Variants in SMAD2 observed in about 807,000 individuals in gnomAD.
SMAD2 encodes the protein SMAD family member 2.
In SMAD2, 8 loss-of-function variants were observed where a neutral mutation model predicts 64.4. That is an observed-to-expected ratio of 0.12 (90% confidence interval 0.07 to 0.22). The LOEUF is 0.22. Ranked by LOEUF, SMAD2 falls within the 10% of genes least tolerant of loss-of-function variation. The pLI is 1.00. For synonymous variants in SMAD2, 203 were observed against 195.8 expected (o/e 1.04, Z -0.31); for missense variants, 289 against 561.2 (o/e 0.51, Z 4.90).
At chr18:47,866,721 C>A (rs1050817120) in intron 5 of SMAD2, 8 of 151,980 alleles carry the variant, frequency 5.3e-5, no homozygotes, top group Admixed American at 5.2e-4. Flanking sequence ...GTTAAAATTT[C>A]TTTTAAGTGG....
intron 1 of SMAD2, among the ~76,000 whole-genome samples, chr18:47,913,644 T>C (rs1209067656): frequency 6.6e-6 from 1 of 152,206 alleles, no homozygotes; most frequent in Non-Finnish European, 1.5e-5. Flanking sequence ...TTTTGAAGTG[T>C]AAATAGACTG....
chr18:47,923,209 C>CT (rs1432442799), intron 1 of SMAD2, among the ~76,000 whole-genome samples: 1 of 149,100 alleles, frequency 6.7e-6, no homozygotes, highest in African/African-American at 2.5e-5. Context: ...TATGACAACA[C>CT]TACACAGGCC....
Position 47,840,365 on chromosome 18 carries a change from T to C in SMAD2, c.*1462A>G, listed in dbSNP as rs1405905917. Reference sequence around the variant, plus strand: ...AACTGCAATGAGTCAACATCAGACATAATAATTATTTGCTGCAGAATGAAC... The same window carrying C: ...AACTGCAATGAGTCAACATCAGACACAATAATTATTTGCTGCAGAATGAAC... On this transcript the variant is annotated 3_prime_UTR_variant, in exon 11 of 11. Transcript: ENST00000262160. 3 of 232,698 alleles carry C rather than the reference T, an allele frequency of 1.3e-5. No homozygotes were observed. Among genetic ancestry groups the C allele is most frequent in the African/African-American group, 6.6e-5 (3 of 45,312 alleles). The allele number at this position is 232,698 out of a possible 1,614,324, so 14.4% of individuals were successfully genotyped here. A position where few individuals can be genotyped will look rare whatever the true frequency, so the allele number is the denominator to read the frequency against.
At position 47,819,330 on chromosome 18, in the gene SMAD2, GTAT is replaced by G. The variant is rs1912483776; in HGVS notation, c.*22494_*22496del. On this transcript the variant is annotated 3_prime_UTR_variant, in exon 11 of 11. Transcript: ENST00000262160. ...TATAACTGTAAGTTGAACTAATTTT[GTAT>G]TATTGACTTCAGCTGTGTCCTCTGA... 1 of 152,102 alleles carries G rather than the reference GTAT, an allele frequency of 6.6e-6. No homozygotes were observed. The highest frequency in any genetic ancestry group is 6.5e-5 in the Admixed American group (1 of 15,268). The allele number at this position is 152,102 out of a possible 1,614,324, so 9.4% of individuals were successfully genotyped here. A position where few individuals can be genotyped will look rare whatever the true frequency, so the allele number is the denominator to read the frequency against.
intron 1 of SMAD2, among the ~76,000 whole-genome samples, chr18:47,904,446 T>C (rs1205500503): frequency 6.6e-6 from 1 of 151,696 alleles, no homozygotes; most frequent in Non-Finnish European, 1.5e-5. Flanking sequence ...ATAACCACCA[T>C]ATTCTACTGC....
At chr18:47,842,128 C>T (rs1331648214) in intron 10 of SMAD2, among the ~76,000 whole-genome samples, 178 bp from the exon 11 acceptor site, 1 of 152,162 alleles carries the variant, frequency 6.6e-6, no homozygotes, top group Non-Finnish European at 1.5e-5. Flanking sequence ...TTCTGATGAC[C>T]TTGTTTTAGA....
chr18:47,900,188 T>C (rs2033627946), intron 1 of SMAD2, among the ~76,000 whole-genome samples: 1 of 152,120 alleles, frequency 6.6e-6, no homozygotes, highest in Non-Finnish European at 1.5e-5. Flanking sequence ...ATATCCAAAA[T>C]GCCATCATTT....
chr18:47,927,893 C>T (rs1168036297), intron 1 of SMAD2, among the ~76,000 whole-genome samples: 2 of 152,128 alleles, frequency 1.3e-5, no homozygotes, highest in Admixed American at 6.5e-5. Context: ...GAGTGAACTC[C>T]GTCTCAAAAT....
chr18:47,907,201 A>G (rs1310343457), intron 1 of SMAD2, among the ~76,000 whole-genome samples: 1 of 152,208 alleles, frequency 6.6e-6, no homozygotes, highest in African/African-American at 2.4e-5. Flanking sequence ...ATAAATACGT[A>G]TGTCCACAAA....
chr18:47,902,443 G>A (rs2033721632), intron 1 of SMAD2, among the ~76,000 whole-genome samples: 1 of 152,126 alleles, frequency 6.6e-6, no homozygotes, highest in East Asian at 1.9e-4. Flanking sequence ...AAATCTATGA[G>A]TTGAAATAAT....
intron 2 of SMAD2, chr18:47,886,836 T>C (rs2032935409): frequency 1.2e-5 from 2 of 164,976 alleles, no homozygotes; most frequent in Admixed American, 1.3e-4. Context: ...AGGAAAACGA[T>C]GATGATAATA....
At chr18:47,892,904 T>C (rs2033265406) in intron 2 of SMAD2, among the ~76,000 whole-genome samples, 1 of 152,226 alleles carries the variant, frequency 6.6e-6, no homozygotes, top group Admixed American at 6.5e-5. Flanking sequence ...ATAATCAATA[T>C]TATAAAATAG....
Position 47,910,280 on chromosome 18 carries a change from G to A in SMAD2, c.-53-13471C>T, listed in dbSNP as rs566493114. Reference sequence around the variant, plus strand: ...ATCAGAGGAATTAACAGAAGACGACGTAACAGAGATCAGTGCTTCTAAACT... The same window carrying A: ...ATCAGAGGAATTAACAGAAGACGACATAACAGAGATCAGTGCTTCTAAACT... On this transcript the variant is annotated intron_variant, in intron 1 of 10. Transcript: ENST00000262160. Among the ~76,000 whole-genome samples, 6 of 152,148 alleles carry A rather than the reference G, an allele frequency of 3.9e-5. No individual in the cohort carries two copies. The South Asian group carries it at 1.0e-3, about 26-fold the overall frequency.
chr18:47,927,641 T>G (rs992211316), intron 1 of SMAD2, among the ~76,000 whole-genome samples: 2 of 152,232 alleles, frequency 1.3e-5, no homozygotes, highest in African/African-American at 4.8e-5. Context: ...GACTCACGCC[T>G]GTAATCCCAG....
chr18:47,816,264 G>T lies in SMAD2; in HGVS notation c.*25563C>A, dbSNP rs1912362657. ...ACCTATGTATTGTTCAGAAGTTTTA[G>T]GTCTTATGAAAAAAAGATTTTTATA... On this transcript the variant is annotated 3_prime_UTR_variant, in exon 11 of 11. Coordinates refer to ENST00000262160, the MANE Select transcript of SMAD2 (RefSeq NM_005901.6). The T allele has an allele frequency of 6.6e-6, 1 of 152,022 alleles. No homozygotes were observed. Among genetic ancestry groups the T allele is most frequent in the African/African-American group, 2.4e-5 (1 of 41,396 alleles). The allele number at this position is 152,022 out of a possible 1,614,324, so 9.4% of individuals were successfully genotyped here. A position where few individuals can be genotyped will look rare whatever the true frequency, so the allele number is the denominator to read the frequency against.
chr18:47,916,535 G>C (rs2034343618), intron 1 of SMAD2, among the ~76,000 whole-genome samples: 1 of 152,038 alleles, frequency 6.6e-6, no homozygotes, highest in South Asian at 2.1e-4. Context: ...CACCTGATTA[G>C]CTGGGATTAC....
chr18:47,822,795 G>A lies in SMAD2; in HGVS notation c.*19032C>T, dbSNP rs973446314. 2.0e-5 allele frequency: 3 copies of A among 152,194 alleles called. No individual in the cohort carries two copies. Among genetic ancestry groups the A allele is most frequent in the African/African-American group, 7.2e-5 (3 of 41,442 alleles). 9.4% of individuals were successfully genotyped at this position (152,194 alleles called of 1,614,324 possible). A position where few individuals can be genotyped will look rare whatever the true frequency, so the allele number is the denominator to read the frequency against. ...CCAGGGTTCAAGCAATTCTGTCTCA[G>A]CCTCCCAAGTAGCTGGGACTACAGG... On this transcript the variant is annotated 3_prime_UTR_variant, in exon 11 of 11. Coordinates refer to ENST00000262160, the MANE Select transcript of SMAD2 (RefSeq NM_005901.6).
At chr18:47,910,967 C>CA (rs2034103625) in intron 1 of SMAD2, among the ~76,000 whole-genome samples, 1 of 151,964 alleles carries the variant, frequency 6.6e-6, no homozygotes, top group South Asian at 2.1e-4. Flanking sequence ...AATAAAAGCT[C>CA]AAAAAAGGAC....
In SMAD2 at chr18:47,830,782, T is replaced by C. The variant is rs1912957756; in HGVS notation, c.*11045A>G. 6.4e-6 allele frequency: 1 copy of C among 156,352 alleles called. No homozygotes were observed. The highest frequency in any genetic ancestry group is 1.4e-5 in the Non-Finnish European group (1 of 70,264). 9.7% of individuals were successfully genotyped at this position (156,352 alleles called of 1,614,324 possible). On this transcript the variant is annotated 3_prime_UTR_variant, in exon 11 of 11. Transcript: ENST00000262160. ...TTTAAAATCAGAGCAAATGAATTTC[T>C]TAAGTTCAAGATACGTACTCTCAAT... is the stretch of plus-strand genomic sequence containing the variant.
Sources: gnomAD v4.1 joint callset for allele counts (sites outside exome capture counted in the v4.1 genomes callset) on GRCh38, gnomAD v4.1.1 for gene constraint, MANE v1.5 for transcripts, NCBI Gene and HGNC (gene_info 2026-07-23, HGNC 2026-07-21) for gene names.